Variants in CELF2 observed in about 807,000 individuals in gnomAD.
The protein encoded by CELF2 is CUGBP Elav-like family member 2.
Under a neutral mutation model 62.6 loss-of-function variants are expected in CELF2, and 8 were observed. That is an observed-to-expected ratio of 0.13 (90% CI 0.07 to 0.23). CELF2 has a LOEUF of 0.23. CELF2 is among the 10% of genes least tolerant of loss of function. The probability of loss-of-function intolerance (pLI) is 1.00; values close to 1 mark genes in which losing one functional copy is unlikely to be tolerated. For synonymous variants in CELF2, 258 were observed against 250.0 expected, an observed-to-expected ratio of 1.03 and a Z score of -0.30; for missense variants, 333 against 671.0, an observed-to-expected ratio of 0.50 and a Z score of 5.56.
intron 2 of CELF2, among the ~76,000 whole-genome samples, chr10:10,980,310 G>A (rs372849995): frequency 6.6e-6 from 1 of 152,110 alleles, no homozygotes; most frequent in East Asian, 1.9e-4. Flanking sequence ...AGATGTTCCT[G>A]TTTATTTCAA....
At position 11,028,026 on chromosome 10, in the gene CELF2, G is replaced by C. The variant is rs185086201; in HGVS notation, c.74+9863G>C. 3.9e-5 allele frequency among the ~76,000 whole-genome samples: 6 copies of C among 152,226 alleles called. No individual in the cohort carries two copies. The East Asian group carries it at 1.2e-3, about 29-fold the overall frequency. On this transcript the variant is annotated intron_variant, in intron 1 of 12. Transcript: ENST00000633077. ...CTGAAGAGTGAATGTTTTCTTCTTC[G>C]GAACTTTCATGCTTTTAAGTCTCAG...
chr10:11,270,499 T>G lies in CELF2; in HGVS notation c.619-167T>G, dbSNP rs1039644649. On this transcript the variant is annotated intron_variant, in intron 6 of 12. Coordinates refer to ENST00000633077, the MANE Select transcript of CELF2 (RefSeq NM_001326342.2). The surrounding 1 kb of genome is among the most constrained non-coding windows in gnomAD (Gnocchi z 5.8). ...CACTGGCAGTGTCTGGAATTTTCTG[T>G]TGATGGTACTATTCAGAGAAGAAGG... Among the ~76,000 whole-genome samples, 6 of 152,180 alleles carry G rather than the reference T, an allele frequency of 3.9e-5. No individual in the cohort carries two copies. The highest frequency in any genetic ancestry group is 3.3e-4 in the Admixed American group (5 of 15,292).
chr10:10,621,918 G>A, the CELF2 span, among the ~76,000 whole-genome samples: 2 of 152,124 alleles, frequency 1.3e-5, no homozygotes, highest in South Asian at 2.1e-4. Flanking sequence ...AAGCAAATGC[G>A]TTCCATATTA....
chr10:11,275,971 G>C (rs1463497430), intron 8 of CELF2, among the ~76,000 whole-genome samples: 3 of 152,160 alleles, frequency 2.0e-5, no homozygotes, highest in Non-Finnish European at 2.9e-5. Flanking sequence ...AAGGAGAACA[G>C]GTTTTTGGCA....
the CELF2 span, among the ~76,000 whole-genome samples, chr10:10,686,110 A>G: frequency 1.3e-5 from 2 of 152,076 alleles, no homozygotes; most frequent in Admixed American, 6.5e-5. Flanking sequence ...CGGTGGTAAT[A>G]ACGTGAGAAG....
intron 4 of CELF2, among the ~76,000 whole-genome samples, chr10:11,257,336 CAAAAAAA>C (rs61363639): frequency 4.4e-5 from 5 of 114,718 alleles, no homozygotes; most frequent in African/African-American, 1.6e-4. Flanking sequence ...AGACCATCTA[CAAAAAAA>C]AAAAAAAAAA....
intron 1 of CELF2, among the ~76,000 whole-genome samples, chr10:11,029,158 A>T (rs927410424): frequency 1.3e-5 from 2 of 152,078 alleles, no homozygotes; most frequent in African/African-American, 4.8e-5. Flanking sequence ...CTAGACAAGG[A>T]ATTGGTGATT....
the CELF2 span, among the ~76,000 whole-genome samples, chr10:10,725,213 G>A: frequency 2.0e-4 from 30 of 152,164 alleles, no homozygotes; most frequent in Non-Finnish European, 4.0e-4. Context: ...AAGTTGAAAA[G>A]TGACTCTAAT....
At chr10:11,019,020 G>A (rs1351489999) in intron 1 of CELF2, among the ~76,000 whole-genome samples, 1 of 152,162 alleles carries the variant, frequency 6.6e-6, no homozygotes, top group Non-Finnish European at 1.5e-5. Flanking sequence ...ATGTGATTCT[G>A]GTTGTTTTAC....
At chr10:10,678,913 T>C in the CELF2 span, among the ~76,000 whole-genome samples, 1 of 152,152 alleles carries the variant, frequency 6.6e-6, no homozygotes, top group Non-Finnish European at 1.5e-5. Flanking sequence ...AATACTCCAT[T>C]CCAGGATACA....
the CELF2 span, among the ~76,000 whole-genome samples, chr10:10,655,083 A>G: frequency 6.6e-6 from 1 of 150,550 alleles, no homozygotes; most frequent in Non-Finnish European, 1.5e-5. Flanking sequence ...CAACAGACAA[A>G]TAGAGAGCCA....
chr10:10,592,116 G>A, the CELF2 span, among the ~76,000 whole-genome samples: 4 of 152,082 alleles, frequency 2.6e-5, no homozygotes, highest in African/African-American at 9.7e-5. Context: ...ATTATAACTA[G>A]CGTACAACCT....
the CELF2 span, among the ~76,000 whole-genome samples, chr10:10,559,368 C>G: frequency 6.6e-6 from 1 of 152,224 alleles, no homozygotes; most frequent in Non-Finnish European, 1.5e-5. Flanking sequence ...AGTTATTAAA[C>G]TCTCTTAATC....
chr10:11,288,007 G>C (rs1258413553), intron 8 of CELF2, among the ~76,000 whole-genome samples: 1 of 152,220 alleles, frequency 6.6e-6, no homozygotes, highest in Admixed American at 6.5e-5. Flanking sequence ...ACCATGTCTT[G>C]GCAGCTATGT....
In CELF2 at chr10:11,012,372, C is replaced by T. The variant is rs1054311028; in HGVS notation, c.53+6932C>T. Among the ~76,000 whole-genome samples, 5 of 152,146 alleles carry T rather than the reference C, an allele frequency of 3.3e-5. No homozygotes were observed. Among genetic ancestry groups the T allele is most frequent in the South Asian group, 2.1e-4 (1 of 4,820 alleles). On this transcript the variant is annotated intron_variant, in intron 1 of 12. Coordinates refer to the CELF2 transcript ENST00000416382. This position sits in a 1 kb window ranked among gnomAD's most constrained non-coding sequence, Gnocchi z 5.5. ...AACCAAAGCTTTGGCTCTCTTAATCCTCACTCTTTTTTCAAGATGTATTTG... is the reference window on the plus strand; with the variant it reads ...AACCAAAGCTTTGGCTCTCTTAATCTTCACTCTTTTTTCAAGATGTATTTG...
the CELF2 span, among the ~76,000 whole-genome samples, chr10:10,564,210 A>T: frequency 7.7e-4 from 118 of 152,274 alleles, no homozygotes; most frequent in African/African-American, 2.8e-3. Context: ...ATCACCAAGG[A>T]TTTAAAGCCT....
the CELF2 span, among the ~76,000 whole-genome samples, chr10:10,667,785 C>T: frequency 3.6e-4 from 55 of 152,320 alleles, no homozygotes; most frequent in Admixed American, 3.3e-3. Context: ...AAACCGAGCC[C>T]TTCCACTCAC....
chr10:10,873,963 C>G (rs571796150), intron 1 of CELF2, among the ~76,000 whole-genome samples: 1 of 152,274 alleles, frequency 6.6e-6, no homozygotes, highest in South Asian at 2.1e-4. Flanking sequence ...CTAACTTAGT[C>G]TCTGTATTTG....
intron 1 of CELF2, among the ~76,000 whole-genome samples, chr10:11,119,409 A>G (rs1038642539): frequency 6.6e-6 from 1 of 151,256 alleles, no homozygotes; most frequent in Non-Finnish European, 1.5e-5. Context: ...AGGATAGCAG[A>G]CCTCATTTCT....
Sources: allele counts gnomAD v4.1 joint callset (sites outside exome capture counted in the v4.1 genomes callset), GRCh38; gene constraint gnomAD v4.1.1; non-coding constraint Gnocchi (gnomAD v3.1); transcripts MANE v1.5; gene names NCBI Gene and HGNC (gene_info 2026-07-23, HGNC 2026-07-21).